The following CCL28 variants were observed in gnomAD, a reference collection of about 807,000 sequenced individuals.
CCL28 encodes the protein C-C motif chemokine 28.
In CCL28, 4 loss-of-function variants were observed where a neutral mutation model predicts 7.1. The observed-to-expected ratio is 0.56, with a 90% CI of 0.28 to 1.29. The LOEUF (loss-of-function observed/expected upper bound fraction) is 1.29, where lower values mean the gene tolerates loss of function less well. Ranked by LOEUF, CCL28 falls within the 50% of genes most tolerant of loss-of-function variation. The pLI is 0.11. For missense variants in CCL28, 151 were observed against 163.4 expected, an observed-to-expected ratio of 0.92 and a Z score of 0.41; for synonymous variants, 55 against 57.8, an observed-to-expected ratio of 0.95 and a Z score of 0.22.
chr5:43,373,523 C>T (rs1352582828), downstream of CCL28, among the ~76,000 whole-genome samples: 1 of 152,146 alleles, frequency 6.6e-6, no homozygotes, highest in Non-Finnish European at 1.5e-5. Flanking sequence ...TGGTCTTGAA[C>T]TCCCAACCTC....
At chr5:43,389,026 A>G (rs1579729656) in intron 1 of CCL28, among the ~76,000 whole-genome samples, 1 of 152,230 alleles carries the variant, frequency 6.6e-6, no homozygotes, top group African/African-American at 2.4e-5. Context: ...TCGAAAGGCC[A>G]TACTGTATGA....
chr5:43,405,079 C>T (rs1233958583), intron 1 of CCL28, among the ~76,000 whole-genome samples: 2 of 152,088 alleles, frequency 1.3e-5, no homozygotes, highest in Non-Finnish European at 2.9e-5. Flanking sequence ...ACCCCACTGT[C>T]AACATTAGAC....
chr5:43,359,925 C>T, the CCL28 span, among the ~76,000 whole-genome samples: 1 of 152,068 alleles, frequency 6.6e-6, no homozygotes, highest in Non-Finnish European at 1.5e-5. Context: ...TCTATGATTT[C>T]ATCCCCAACT....
intron 1 of CCL28, among the ~76,000 whole-genome samples, chr5:43,406,656 G>A (rs925928130): frequency 4.6e-5 from 7 of 152,170 alleles, no homozygotes; most frequent in African/African-American, 1.7e-4. Context: ...GGGCAATTAG[G>A]CAGGAGAAAG....
At chr5:43,360,858 G>A in the CCL28 span, among the ~76,000 whole-genome samples, 1 of 152,044 alleles carries the variant, frequency 6.6e-6, no homozygotes, top group Non-Finnish European at 1.5e-5. Flanking sequence ...GGGTACATGT[G>A]CAGGATGTGC....
intron 1 of CCL28, among the ~76,000 whole-genome samples, chr5:43,398,708 G>T (rs530402537): frequency 6.6e-6 from 1 of 152,088 alleles, no homozygotes; most frequent in African/African-American, 2.4e-5. Flanking sequence ...AAAATTAGCC[G>T]GGCATGGTGG....
chr5:43,375,820 C>T (rs1470731670), downstream of CCL28, among the ~76,000 whole-genome samples: 1 of 151,980 alleles, frequency 6.6e-6, no homozygotes, highest in Non-Finnish European at 1.5e-5. Context: ...GTGGTGTGTG[C>T]CTGTAATGCC....
chr5:43,396,749 A>G (rs995070144), intron 1 of CCL28, among the ~76,000 whole-genome samples: 3 of 152,210 alleles, frequency 2.0e-5, no homozygotes, highest in Admixed American at 2.0e-4. Context: ...GAAACAAAGC[A>G]CGAGAAAAAA....
chr5:43,390,654 C>G (rs928825280), intron 1 of CCL28, among the ~76,000 whole-genome samples: 3 of 152,206 alleles, frequency 2.0e-5, no homozygotes, highest in Non-Finnish European at 4.4e-5. Flanking sequence ...GAGCAGCTGC[C>G]CAACAGAGGA....
Position 43,379,804 on chromosome 5 carries a change from A to G in CCL28, c.*2056T>C, listed in dbSNP as rs1740031076. ...CTATGGACAAAAAAGAGGCCAAAAG[A>G]GGAATGGCACAATGGTATCAACTCA... On this transcript the variant is annotated 3_prime_UTR_variant, in exon 3 of 3. Transcript: ENST00000361115. The G allele has an allele frequency of 6.6e-6, 1 of 152,178 alleles. No homozygotes were observed. Among genetic ancestry groups the G allele is most frequent in the African/African-American group, 2.4e-5 (1 of 41,424 alleles). The allele number at this position is 152,178 out of a possible 1,614,324, so 9.4% of individuals were successfully genotyped here.
intron 1 of CCL28, among the ~76,000 whole-genome samples, chr5:43,411,777 A>T (rs1272142530): frequency 6.6e-6 from 1 of 152,206 alleles, no homozygotes; most frequent in Non-Finnish European, 1.5e-5. Flanking sequence ...AGTTTTCTGT[A>T]TCCATAGAGC....
chr5:43,405,458 G>A (rs1430148650), intron 1 of CCL28, among the ~76,000 whole-genome samples: 4 of 152,162 alleles, frequency 2.6e-5, no homozygotes, highest in Admixed American at 2.0e-4. Context: ...TGAGAACAAA[G>A]ACATAACATA....
intron 1 of CCL28, 37 bp from the exon 2 acceptor site, chr5:43,388,513 G>T (rs756190151): frequency 1.2e-6 from 2 of 1,600,768 alleles, no homozygotes; most frequent in Non-Finnish European, 8.5e-7. Context: ...TAAATTTTAC[G>T]GTTTATAGAA....
intron 1 of CCL28, among the ~76,000 whole-genome samples, chr5:43,406,522 C>A (rs1741288526): frequency 6.6e-6 from 1 of 152,188 alleles, no homozygotes; most frequent in Admixed American, 6.5e-5. Context: ...CTATTTATGA[C>A]AAACCCACAG....
chr5:43,412,175 A>C (rs1741558236), intron 1 of CCL28, 78 bp downstream of exon 1: 1 of 1,117,562 alleles, frequency 8.9e-7, no homozygotes, highest in Non-Finnish European at 1.3e-6. Context: ...TTCTTGCCCC[A>C]CCTCAATCCT....
chr5:43,373,593 C>A (rs188897701), downstream of CCL28, among the ~76,000 whole-genome samples: 11 of 152,300 alleles, frequency 7.2e-5, no homozygotes, highest in Non-Finnish European at 1.2e-4. Flanking sequence ...AGCCACCACA[C>A]CCGGACTAAC....
At chr5:43,363,398 A>G in the CCL28 span, among the ~76,000 whole-genome samples, 1 of 152,306 alleles carries the variant, frequency 6.6e-6, no homozygotes, top group East Asian at 1.9e-4. Context: ...TCAGTAGATG[A>G]TGATATCCTT....
chr5:43,367,979 G>A, the CCL28 span, among the ~76,000 whole-genome samples: 2 of 152,214 alleles, frequency 1.3e-5, no homozygotes, highest in African/African-American at 4.8e-5. Context: ...AATAAGGTAG[G>A]CCTGCTGGAG....
chr5:43,376,518 A>T (rs1739890448), downstream of CCL28: 1 of 152,260 alleles, frequency 6.6e-6, no homozygotes, highest in South Asian at 2.1e-4. Context: ...AGTTAGAATT[A>T]TCAACATCAG....
Sources: allele counts gnomAD v4.1 joint callset (sites outside exome capture counted in the v4.1 genomes callset), GRCh38; gene constraint gnomAD v4.1.1; transcripts MANE v1.5; gene names NCBI Gene and HGNC (gene_info 2026-07-23, HGNC 2026-07-21).